Variants in SLC17A8 observed in about 807,000 individuals in gnomAD.
SLC17A8 encodes solute carrier family 17 member 8, also known as vesicular glutamate transporter 3.
In SLC17A8, 31 loss-of-function variants were observed where a neutral mutation model predicts 58.0. That is an observed-to-expected ratio of 0.53 (90% CI 0.40 to 0.72). The LOEUF (loss-of-function observed/expected upper bound fraction) is 0.72. SLC17A8 is among the 30% of genes least tolerant of loss of function. The probability of loss-of-function intolerance (pLI) is 0.00; values close to 1 mark genes in which losing one functional copy is unlikely to be tolerated. For missense variants in SLC17A8, 655 were observed against 727.8 expected (o/e 0.90, Z 1.15); for synonymous variants, 228 against 249.0 (o/e 0.92, Z 0.79).
intron 2 of SLC17A8, among the ~76,000 whole-genome samples, chr12:100,383,847 C>G (rs1167704284): frequency 6.6e-6 from 1 of 150,984 alleles, no homozygotes; most frequent in African/African-American, 2.4e-5. Context: ...GGTCCACAGG[C>G]TCATGCCACC....
chr12:100,384,865 CCA>C (rs1952661931), intron 2 of SLC17A8, among the ~76,000 whole-genome samples: 1 of 152,144 alleles, frequency 6.6e-6, no homozygotes, highest in Admixed American at 6.5e-5. Flanking sequence ...CTTGCTTGCC[CCA>C]CAGAGTCTTT....
intron 2 of SLC17A8, among the ~76,000 whole-genome samples, chr12:100,385,731 GCTAACCTATA>G: frequency 6.6e-6 from 1 of 152,238 alleles, no homozygotes. Flanking sequence ...GATCAAATAA[GCTAACCTATA>G]TTAAATACCT....
chr12:100,419,908 C>T lies in SLC17A8; in HGVS notation c.1519C>T (p.Gln507Ter). 1 of 1,614,040 alleles carries T rather than the reference C, an allele frequency of 6.2e-7. No homozygotes were observed. The highest frequency in any genetic ancestry group is 8.5e-7 in the Non-Finnish European group (1 of 1,180,050). Reference protein sequence around the residue: ...FYGVFASGEKQEWADPENLSE... With the variant: ...FYGVFASGEK ...TGGGGTCTTTGCTTCTGGGGAGAAACAGGAGTGGGCTGACCCAGAGAATCT... is the reference window on the plus strand; with the variant it reads ...TGGGGTCTTTGCTTCTGGGGAGAAATAGGAGTGGGCTGACCCAGAGAATCT... The change falls in exon 12 of 12, where the codon CAG (glutamine) becomes TAG (stop). Residue 507 changes from glutamine to a stop codon, truncating the protein, a stop_gained. Coordinates refer to ENST00000323346, the MANE Select transcript of SLC17A8 (RefSeq NM_139319.3). LOFTEE classifies it high-confidence loss of function.
intron 1 of SLC17A8, among the ~76,000 whole-genome samples, chr12:100,379,658 C>A (rs1952619501): frequency 1.3e-5 from 2 of 152,106 alleles, no homozygotes; most frequent in African/African-American, 4.8e-5. Context: ...TAAGAGGATA[C>A]AACTTCCTTT....
intron 9 of SLC17A8, among the ~76,000 whole-genome samples, chr12:100,410,297 C>T (rs1288769510): frequency 6.6e-6 from 1 of 151,882 alleles, no homozygotes; most frequent in Non-Finnish European, 1.5e-5. Flanking sequence ...AGACTGAGAC[C>T]ATCCTGGCTA....
At chr12:100,402,815 T>C (rs1952801260) in intron 8 of SLC17A8, 70 bp downstream of exon 8, 5 of 1,443,826 alleles carry the variant, frequency 3.5e-6, no homozygotes, top group South Asian at 1.3e-5. Flanking sequence ...TAACTTTGTA[T>C]GATAAAATAA....
intron 4 of SLC17A8, among the ~76,000 whole-genome samples, chr12:100,395,107 T>C (rs960159443): frequency 4.0e-5 from 6 of 151,796 alleles, no homozygotes; most frequent in African/African-American, 1.5e-4. Flanking sequence ...GACCAACTGA[T>C]TGTGGAAGGC....
intron 2 of SLC17A8, among the ~76,000 whole-genome samples, chr12:100,384,155 T>C (rs961574224): frequency 6.6e-6 from 1 of 152,204 alleles, no homozygotes; most frequent in Non-Finnish European, 1.5e-5. Flanking sequence ...TTCCCATGGA[T>C]TGTGGGCCCT....
chr12:100,386,168 C>T (rs868248417), intron 2 of SLC17A8, among the ~76,000 whole-genome samples: 52 of 152,222 alleles, frequency 3.4e-4, no homozygotes, highest in South Asian at 1.9e-3. Context: ...TTTATAGGTC[C>T]TGGGGATTTG....
At position 100,396,338 on chromosome 12, in the gene SLC17A8, C is replaced by T; in HGVS notation, c.597C>T (p.Thr199=). ...TTCAACTCTTCTGCCAGGGTGTGACCTACCCAGCCTGCCATGGGATGTGGA... is the reference window on the plus strand; with the variant it reads ...TTCAACTCTTCTGCCAGGGTGTGACTTACCCAGCCTGCCATGGGATGTGGA... ...RILQGLVEGV[T]YPACHGMWSK... is the part of the protein sequence containing the mutation. The change falls in exon 5 of 12, where the codon ACC becomes ACT. Residue 199 remains threonine (T), a synonymous_variant. Coordinates refer to ENST00000323346, the MANE Select transcript of SLC17A8 (RefSeq NM_139319.3). The T allele has an allele frequency of 6.2e-7, 1 of 1,613,872 alleles. No individual in the cohort carries two copies.
intron 11 of SLC17A8, 109 bp from the exon 12 acceptor site, chr12:100,419,706 A>G: frequency 9.4e-7 from 1 of 1,060,674 alleles, no homozygotes; most frequent in Admixed American, 1.9e-5. Flanking sequence ...CCTCTAGAGC[A>G]TCACCTTCCA....
intron 9 of SLC17A8, among the ~76,000 whole-genome samples, chr12:100,406,297 T>C (rs1277627526): frequency 6.6e-6 from 1 of 152,152 alleles, no homozygotes; most frequent in East Asian, 1.9e-4. Context: ...ATTGCAGCTC[T>C]CTCAGGAAAA....
At chr12:100,377,798 G>A (rs554320616) in intron 1 of SLC17A8, among the ~76,000 whole-genome samples, 1 of 152,064 alleles carries the variant, frequency 6.6e-6, no homozygotes, top group South Asian at 2.1e-4. Context: ...ATGTTGGCCA[G>A]GCTGGTCTCG....
chr12:100,391,241 T>G, intron 3 of SLC17A8, 122 bp downstream of exon 3: 1 of 733,008 alleles, frequency 1.4e-6, no homozygotes, highest in Non-Finnish European at 2.5e-6. Context: ...TCTGGATAGA[T>G]GCAATTCACA....
At chr12:100,416,752 T>C (rs945071107) in intron 10 of SLC17A8, among the ~76,000 whole-genome samples, 3 of 152,224 alleles carry the variant, frequency 2.0e-5, no homozygotes, top group African/African-American at 7.2e-5. Flanking sequence ...GTAAAGAGCA[T>C]GCATGTTGGT....
chr12:100,406,336 A>G (rs1228967860), intron 9 of SLC17A8, among the ~76,000 whole-genome samples: 1 of 152,158 alleles, frequency 6.6e-6, no homozygotes, highest in African/African-American at 2.4e-5. Flanking sequence ...TAGTATGTGC[A>G]ATGACCCTGG....
At chr12:100,390,170 G>A (rs1158361092) in intron 2 of SLC17A8, among the ~76,000 whole-genome samples, 1 of 151,892 alleles carries the variant, frequency 6.6e-6, no homozygotes, top group Non-Finnish European at 1.5e-5. Context: ...TCGCCACGTT[G>A]CCCAGGCTGG....
At chr12:100,412,643 A>AT (rs1952877777) in intron 9 of SLC17A8, 127 bp from the exon 10 acceptor site, 1 of 692,956 alleles carries the variant, frequency 1.4e-6, no homozygotes. Context: ...TAAAAAAAAA[A>AT]CATAGACACA....
At chr12:100,359,601 G>A (rs552503747) in intron 1 of SLC17A8, among the ~76,000 whole-genome samples, 9 of 152,276 alleles carry the variant, frequency 5.9e-5, no homozygotes, top group African/African-American at 1.9e-4. Flanking sequence ...ATAAAGCCAA[G>A]GTCAAATCCC....
Sources: gnomAD v4.1 joint callset for allele counts (sites outside exome capture counted in the v4.1 genomes callset) on GRCh38, gnomAD v4.1.1 for gene constraint, MANE v1.5 for transcripts, NCBI Gene and HGNC (gene_info 2026-07-23, HGNC 2026-07-21) for gene names.